The following FHIT variants were observed in gnomAD, a reference collection of about 807,000 sequenced individuals.
FHIT encodes the protein fragile histidine triad diadenosine triphosphatase.
FHIT carries 19 observed loss-of-function variants against 17.9 expected under a neutral mutation model. That is an observed-to-expected ratio of 1.06 (90% CI 0.74 to 1.56). The LOEUF (loss-of-function observed/expected upper bound fraction) is 1.56, where lower values mean the gene tolerates loss of function less well. Among genes scored for constraint, FHIT ranks in the 40% most tolerant of loss-of-function variants. The pLI is 0.00. For synonymous variants in FHIT, 81 were observed against 69.7 expected (o/e 1.16, Z -0.81); for missense variants, 248 against 189.2 (o/e 1.31, Z -1.82).
chr3:60,938,572 A>G (rs1553773708), intron 3 of FHIT, among the ~76,000 whole-genome samples: 1 of 152,222 alleles, frequency 6.6e-6, no homozygotes, highest in Non-Finnish European at 1.5e-5. Flanking sequence ...TGCAAAACCA[A>G]ATCCTAATCA....
At chr3:60,910,283 C>T (rs994957043) in intron 3 of FHIT, among the ~76,000 whole-genome samples, 1 of 152,122 alleles carries the variant, frequency 6.6e-6, no homozygotes, top group African/African-American at 2.4e-5. Context: ...TTTCTTCCCC[C>T]ACCACAAAGA....
intron 5 of FHIT, among the ~76,000 whole-genome samples, chr3:60,188,787 A>C (rs185862739): frequency 6.6e-6 from 1 of 152,226 alleles, no homozygotes; most frequent in Admixed American, 6.5e-5. Flanking sequence ...CTTCTCAAAG[A>C]AAGAAAAAAT....
intron 4 of FHIT, among the ~76,000 whole-genome samples, chr3:60,583,786 C>T (rs2037821647): frequency 6.6e-6 from 1 of 152,068 alleles, no homozygotes. Flanking sequence ...CTAGCAATGG[C>T]TCCATGCTCA....
In FHIT at chr3:60,789,175, T is replaced by TATATAG. The variant is rs1433649739; in HGVS notation, c.-18+32743_-18+32744insCTATAT. ...GTGTGTGTATATATATATATATATATAGAGAGAGAGAGAGAGAGAGAGAGA... is the reference window on the plus strand; with the variant it reads ...GTGTGTGTATATATATATATATATATATATAGAGAGAGAGAGAGAGAGAGAGAGAGA... On this transcript the variant is annotated intron_variant, in intron 4 of 9. Transcript: ENST00000492590. 7.4e-3 allele frequency among the ~76,000 whole-genome samples: 761 copies of TATATAG among 102,556 alleles called. 4 individuals carry two copies. Among genetic ancestry groups the TATATAG allele is most frequent in the African/African-American group, 0.024 (686 of 28,808 alleles). 67.3% of individuals were successfully genotyped at this position (102,556 alleles called of 152,430 possible).
Position 59,797,429 on chromosome 3 carries a change from C to T in FHIT, c.349-45108G>A, listed in dbSNP as rs569909226. Among the ~76,000 whole-genome samples, 20 of 152,208 alleles carry T rather than the reference C, an allele frequency of 1.3e-4. 1 individual carries two copies. In the East Asian group the frequency reaches 2.5e-3, roughly 19 times the overall value. On this transcript the variant is annotated intron_variant, in intron 8 of 9. Transcript: ENST00000492590. The stretch of plus-strand genomic sequence containing the variant: ...CTCAAACTCCTGACTTCATGTGATC[C>T]GACCACCTTGGCCTCCCAAAATGTT...
At chr3:59,844,852 T>G (rs1701660883) in intron 8 of FHIT, among the ~76,000 whole-genome samples, 1 of 152,172 alleles carries the variant, frequency 6.6e-6, no homozygotes. Context: ...ATTTAATTTT[T>G]TTGAAAAGTT....
intron 4 of FHIT, among the ~76,000 whole-genome samples, chr3:60,566,088 T>A (rs1361773030): frequency 6.6e-6 from 1 of 152,194 alleles, no homozygotes; most frequent in Non-Finnish European, 1.5e-5. Context: ...AGTTTCTTAA[T>A]CCTGAATTCT....
At chr3:60,525,661 C>A (rs1576813229) in intron 5 of FHIT, among the ~76,000 whole-genome samples, 1 of 152,102 alleles carries the variant, frequency 6.6e-6, no homozygotes. Context: ...AAATTCTAGT[C>A]TTGGTTCTTT....
intron 2 of FHIT, among the ~76,000 whole-genome samples, chr3:61,171,539 A>G (rs1230815102): frequency 6.6e-6 from 1 of 152,178 alleles, no homozygotes; most frequent in East Asian, 1.9e-4. Flanking sequence ...AGGATTTTAT[A>G]AAATACACTA....
chr3:61,211,885 C>T (rs1470502569), intron 1 of FHIT, among the ~76,000 whole-genome samples: 7 of 152,188 alleles, frequency 4.6e-5, no homozygotes, highest in Admixed American at 1.3e-4. Flanking sequence ...CTGCTGATAC[C>T]CAGGCAAACA....
intron 5 of FHIT, among the ~76,000 whole-genome samples, chr3:60,384,138 C>T (rs971763632): frequency 2.0e-5 from 3 of 151,862 alleles, no homozygotes; most frequent in South Asian, 2.1e-4. Context: ...TGTGGTGCTG[C>T]GTGCCTATAA....
intron 4 of FHIT, among the ~76,000 whole-genome samples, chr3:60,606,930 T>G (rs782669109): frequency 6.6e-6 from 1 of 152,206 alleles, no homozygotes; most frequent in Non-Finnish European, 1.5e-5. Context: ...CCTCAGTCTC[T>G]GTTACCTGCT....
intron 8 of FHIT, among the ~76,000 whole-genome samples, chr3:59,826,819 G>C (rs1700995184): frequency 1.3e-5 from 2 of 152,198 alleles, no homozygotes; most frequent in African/African-American, 4.8e-5. Context: ...CTCCAGTAAG[G>C]CTTTGCTTGA....
intron 2 of FHIT, among the ~76,000 whole-genome samples, chr3:61,061,440 C>A (rs1012579658): frequency 6.6e-6 from 1 of 151,876 alleles, no homozygotes; most frequent in Admixed American, 6.6e-5. Context: ...CTTCACCTTT[C>A]ATAAATTGCT....
In FHIT at chr3:60,219,906, C is replaced by T. The variant is rs1036590415; in HGVS notation, c.104-205754G>A. 5.9e-5 allele frequency among the ~76,000 whole-genome samples: 9 copies of T among 152,104 alleles called. 1 individual carries two copies. The highest frequency in any genetic ancestry group is 2.0e-4 in the Admixed American group (3 of 15,264). Reference sequence around the variant, plus strand: ...CGCTACTCAACCTGGATCTGCCTTACGTGAGTTGTAAATATTTCAGTCAAC... The same window carrying T: ...CGCTACTCAACCTGGATCTGCCTTATGTGAGTTGTAAATATTTCAGTCAAC... On this transcript the variant is annotated intron_variant, in intron 5 of 9. Coordinates refer to ENST00000492590, the MANE Select transcript of FHIT (RefSeq NM_002012.4).
chr3:60,118,075 C>A (rs896285375), intron 5 of FHIT, among the ~76,000 whole-genome samples: 6 of 152,060 alleles, frequency 3.9e-5, no homozygotes, highest in Non-Finnish European at 8.8e-5. Context: ...TCACAGTAAT[C>A]GTGAATGTAC....
intron 4 of FHIT, among the ~76,000 whole-genome samples, chr3:60,684,468 A>G (rs2040818239): frequency 6.6e-6 from 1 of 151,908 alleles, no homozygotes; most frequent in African/African-American, 2.4e-5. Context: ...GGAGTTCCAG[A>G]CTCCAGAGTT....
intron 4 of FHIT, among the ~76,000 whole-genome samples, chr3:60,679,003 T>C (rs73099240): frequency 0.018 from 2,669 of 151,874 alleles, 32 homozygotes; most frequent in Middle Eastern, 0.034. Context: ...TTGCAAACTT[T>C]TGTCTGTGAC....
chr3:60,807,606 A>C (rs1701442778), intron 4 of FHIT, among the ~76,000 whole-genome samples: 1 of 151,990 alleles, frequency 6.6e-6, no homozygotes, highest in African/African-American at 2.4e-5. Context: ...AGTAAAATAA[A>C]ATATTTCCTG....
Sources: gnomAD v4.1 joint callset for allele counts (sites outside exome capture counted in the v4.1 genomes callset) on GRCh38, gnomAD v4.1.1 for gene constraint, MANE v1.5 for transcripts, NCBI Gene and HGNC (gene_info 2026-07-23, HGNC 2026-07-21) for gene names.